NF1: variants seen among roughly 807,000 people sequenced by gnomAD.
NF1 encodes neurofibromin 1.
In NF1, 122 loss-of-function variants were observed where a neutral mutation model predicts 325.7. That is an observed-to-expected ratio of 0.37 (90% CI 0.32 to 0.44). The LOEUF is 0.44. Ranked by LOEUF, NF1 falls within the 20% of genes least tolerant of loss-of-function variation. The probability of loss-of-function intolerance (pLI) is 1.00; values close to 1 mark genes in which losing one functional copy is unlikely to be tolerated. For synonymous variants in NF1, 1,091 were observed against 1,186.0 expected, an observed-to-expected ratio of 0.92 and a Z score of 1.65; for missense variants, 2,140 against 3,415.4, an observed-to-expected ratio of 0.63 and a Z score of 9.31.
chr17:31,312,050 G>A (rs576149836), intron 36 of NF1, among the ~76,000 whole-genome samples: 1 of 151,924 alleles, frequency 6.6e-6, no homozygotes, highest in Non-Finnish European at 1.5e-5. Flanking sequence ...TGAAAATTTT[G>A]TGGTGATTTT....
intron 27 of NF1, among the ~76,000 whole-genome samples, chr17:31,234,418 A>G (rs1268219642): frequency 6.6e-6 from 1 of 152,130 alleles, no homozygotes; most frequent in Non-Finnish European, 1.5e-5. Flanking sequence ...TCACGCCTGT[A>G]ATCCCAGCAC....
At chr17:31,341,606 T>TGC (rs2069824757) in intron 47 of NF1, among the ~76,000 whole-genome samples, 1 of 90,714 alleles carries the variant, frequency 1.1e-5, no homozygotes, top group South Asian at 4.8e-4. Flanking sequence ...TGTGTGTGTG[T>TGC]GTGTGTGTGT....
chr17:31,243,180 C>CTGTGTGTGTGTGTGTGTGTGTG lies in NF1; in HGVS notation c.3975-5801_3975-5800insGTGTGTGTGTGTGTGTGTGTGT, dbSNP rs1162406311. Among the ~76,000 whole-genome samples, 217 of 73,278 alleles carry CTGTGTGTGTGTGTGTGTGTGTG rather than the reference C, an allele frequency of 3.0e-3. 1 individual carries two copies. Among genetic ancestry groups the CTGTGTGTGTGTGTGTGTGTGTG allele is most frequent in the East Asian group, 8.0e-3 (15 of 1,866 alleles). 48.1% of individuals were successfully genotyped at this position (73,278 alleles called of 152,430 possible). ...AAACAAACAGAGTCAGTCTCTCTCT[C>CTGTGTGTGTGTGTGTGTGTGTG]TGTCTGTGTGTGTGTGTGTGTGTGT... On this transcript the variant is annotated intron_variant, in intron 29 of 57. Coordinates refer to ENST00000358273, the MANE Select transcript of NF1 (RefSeq NM_001042492.3).
chr17:31,286,941 A>T (rs777709665), intron 36 of NF1, among the ~76,000 whole-genome samples: 1 of 152,246 alleles, frequency 6.6e-6, no homozygotes, highest in African/African-American at 2.4e-5. Context: ...TTCCAGAAGC[A>T]TTCAGTATGT....
chr17:31,126,449 A>C (rs1285067598), intron 1 of NF1, among the ~76,000 whole-genome samples: 1 of 151,730 alleles, frequency 6.6e-6, no homozygotes, highest in Non-Finnish European at 1.5e-5. Context: ...TTTAGATCTA[A>C]TTCTCTTGTT....
intron 13 of NF1, 119 bp downstream of exon 13, chr17:31,214,704 T>C (rs2066790763): frequency 1.2e-6 from 1 of 868,702 alleles, no homozygotes; most frequent in Admixed American, 2.7e-5. Context: ...TCCTTTCTGA[T>C]CATACCTGAA....
In NF1 at chr17:31,350,202, A is replaced by C. The variant is rs878853915; in HGVS notation, c.7341A>C (p.Glu2447Asp). The C allele has an allele frequency of 5.0e-6, 8 of 1,613,890 alleles. No individual in the cohort carries two copies. In the Admixed American group the frequency reaches 1.2e-4, roughly 24 times the overall value. ...TTTTAGCTTTACTTACAGTGTCTGA[A>C]GAAGTTCGAAGTCGCTGCAGCCTAA... ...AYLAALLTVS[E>D]EVRSRCSLKH... is the part of the protein sequence containing the mutation. Residue 2447 changes from glutamate to aspartate, a missense_variant, in exon 50 of 58, where the codon GAA becomes GAC. Physicochemically the swap from Glu to Asp is conservative, Grantham distance 45. Around this residue, in one of 10 missense-constraint regions of NF1, gnomAD observed 522 missense variants for 749.0 expected, o/e 0.70. Transcript: ENST00000358273.
At chr17:31,360,025 A>T (rs2070363389) in intron 56 of NF1, 1 of 184,054 alleles carries the variant, frequency 5.4e-6, no homozygotes, top group Non-Finnish European at 1.2e-5. Context: ...CAACATGCAA[A>T]GGTTGTCACT....
In NF1 at chr17:31,348,133, G is replaced by C. The variant is rs1296638953; in HGVS notation, c.7190-987G>C. Among the ~76,000 whole-genome samples the C allele has an allele frequency of 3.6e-5, 3 of 84,340 alleles. 1 individual carries two copies. Among genetic ancestry groups the C allele is most frequent in the Non-Finnish European group, 7.6e-5 (3 of 39,576 alleles). 55.3% of individuals were successfully genotyped at this position (84,340 alleles called of 152,430 possible). On this transcript the variant is annotated intron_variant, in intron 48 of 57. Transcript: ENST00000358273. ...ACCAGGTATAGAGAAAAATAAGTCT[G>C]ATATGAGGAAGGAAAATTGCACAAT... is the stretch of plus-strand genomic sequence containing the variant.
At chr17:31,323,949 T>C (rs1319133093) in intron 36 of NF1, among the ~76,000 whole-genome samples, 1 of 152,244 alleles carries the variant, frequency 6.6e-6, no homozygotes, top group Non-Finnish European at 1.5e-5. Flanking sequence ...TTTAAAATCA[T>C]TTGACTTGTC....
intron 36 of NF1, among the ~76,000 whole-genome samples, chr17:31,270,135 AC>A (rs2067864542): frequency 6.6e-6 from 1 of 152,252 alleles, no homozygotes; most frequent in Admixed American, 6.5e-5. Flanking sequence ...GTGCACCTGC[AC>A]ATGTGTATGT....
intron 47 of NF1, among the ~76,000 whole-genome samples, chr17:31,341,429 A>G (rs2069817866): frequency 6.6e-6 from 1 of 152,218 alleles, no homozygotes; most frequent in East Asian, 1.9e-4. Flanking sequence ...GAGGTGAGGT[A>G]GGAGGATTGC....
Position 31,235,806 on chromosome 17 carries a change from C to T in NF1, c.3870+34C>T, listed in dbSNP as rs367593842. On this transcript the variant is annotated intron_variant, in intron 28 of 57. Transcript: ENST00000358273. ...CATTCATTTTGTGTGTATGTGTGTGCTGAGGTATGTCAAGTAATGATTATG... is the reference window on the plus strand; with the variant it reads ...CATTCATTTTGTGTGTATGTGTGTGTTGAGGTATGTCAAGTAATGATTATG... The T allele has an allele frequency of 3.7e-6, 6 of 1,613,446 alleles. No individual in the cohort carries two copies. In the African/African-American group the frequency reaches 4.0e-5, roughly 11 times the overall value.
chr17:31,221,714 C>G (rs2066924037), intron 14 of NF1, 136 bp from the exon 15 acceptor site: 1 of 666,374 alleles, frequency 1.5e-6, no homozygotes, highest in Non-Finnish European at 2.6e-6. Flanking sequence ...CTCTTTTTAC[C>G]TTTTACTATA....
chr17:31,179,120 C>A (rs577848435), intron 5 of NF1, among the ~76,000 whole-genome samples: 8 of 152,290 alleles, frequency 5.3e-5, no homozygotes, highest in Non-Finnish European at 7.4e-5. Context: ...TGGAATACAA[C>A]ACTCCTCAGC....
chr17:31,122,469 A>T (rs182605415), intron 1 of NF1, among the ~76,000 whole-genome samples: 1 of 152,216 alleles, frequency 6.6e-6, no homozygotes, highest in East Asian at 1.9e-4. Flanking sequence ...ATCTTTGGAG[A>T]CCCTTCTTCC....
intron 36 of NF1, chr17:31,304,778 T>G: frequency 6.2e-7 from 1 of 1,614,140 alleles, no homozygotes; most frequent in South Asian, 1.1e-5. Context: ...GTGCTTTTGC[T>G]TGGTTTCCAG....
intron 1 of NF1, among the ~76,000 whole-genome samples, chr17:31,152,309 C>T (rs1159473118): frequency 2.0e-5 from 3 of 151,508 alleles, no homozygotes; most frequent in Non-Finnish European, 4.4e-5. Flanking sequence ...GTGGTATGCA[C>T]ATTAAAGATA....
At chr17:31,128,977 G>C (rs1915123813) in intron 1 of NF1, among the ~76,000 whole-genome samples, 1 of 150,786 alleles carries the variant, frequency 6.6e-6, no homozygotes, top group African/African-American at 2.4e-5. Context: ...CTTCTGACTT[G>C]TATAGTTTCT....
Sources: allele counts gnomAD v4.1 joint callset (sites outside exome capture counted in the v4.1 genomes callset), GRCh38; gene constraint gnomAD v4.1.1; regional missense constraint gnomAD v4.1.1; transcripts MANE v1.5; gene names NCBI Gene and HGNC (gene_info 2026-07-23, HGNC 2026-07-21).